Variants in SEMA4A observed in about 807,000 individuals in gnomAD.
SEMA4A encodes semaphorin-4A.
SEMA4A carries 52 observed loss-of-function variants against 72.5 expected under a neutral mutation model. That is an observed-to-expected ratio of 0.72 (90% CI 0.57 to 0.90). The LOEUF (loss-of-function observed/expected upper bound fraction) is 0.90, where lower values mean the gene tolerates loss of function less well. SEMA4A is among the 40% of genes least tolerant of loss of function. The probability of loss-of-function intolerance (pLI) is 0.00; values close to 1 mark genes in which losing one functional copy is unlikely to be tolerated. For missense variants in SEMA4A, 926 were observed against 959.7 expected, an observed-to-expected ratio of 0.96 and a Z score of 0.46; for synonymous variants, 369 against 393.1, an observed-to-expected ratio of 0.94 and a Z score of 0.73.
At chr1:156,169,319 G>A (rs908639227) in intron 10 of SEMA4A, among the ~76,000 whole-genome samples, 10 of 149,354 alleles carry the variant, frequency 6.7e-5, no homozygotes, top group African/African-American at 2.5e-4. Flanking sequence ...TTGTTCATTC[G>A]CTTTCCAGCT....
Position 156,163,230 on chromosome 1 carries a change from C to G in SEMA4A, c.1134+136C>G, listed in dbSNP as rs991415154. On this transcript the variant is annotated intron_variant, in intron 10 of 14. Coordinates refer to ENST00000368285, the MANE Select transcript of SEMA4A (RefSeq NM_022367.4). ...CCAATCTCGCCTGCTCAGACGTACACCTGGTATAGCTGCCTATATTCCACA... is the reference window on the plus strand; with the variant it reads ...CCAATCTCGCCTGCTCAGACGTACAGCTGGTATAGCTGCCTATATTCCACA... 42 of 945,438 alleles carry G rather than the reference C, an allele frequency of 4.4e-5. 1 individual carries two copies. Among genetic ancestry groups the G allele is most frequent in the Middle Eastern group, 3.0e-4 (1 of 3,340 alleles). The allele number at this position is 945,438 out of a possible 1,614,324, so 58.6% of individuals were successfully genotyped here.
chr1:156,149,969 AG>A (rs1652398224), upstream of SEMA4A: 1 of 151,982 alleles, frequency 6.6e-6, no homozygotes, highest in Non-Finnish European at 1.5e-5. Context: ...ATGGTGACTG[AG>A]GACCAGTGAG....
At chr1:156,149,682 C>G (rs1312095872), upstream of SEMA4A, 1 of 152,176 alleles carries the variant, frequency 6.6e-6, no homozygotes, top group Non-Finnish European at 1.5e-5. Context: ...AGAGGGAAAC[C>G]CAGAGGAACT....
intron 10 of SEMA4A, among the ~76,000 whole-genome samples, chr1:156,165,283 T>C (rs937986547): frequency 2.0e-5 from 3 of 152,170 alleles, no homozygotes; most frequent in African/African-American, 7.2e-5. Context: ...CCCTGCCTCA[T>C]CATTCTGGGG....
At position 156,176,770 on chromosome 1, in the gene SEMA4A, G is replaced by C. The variant is rs780910383; in HGVS notation, c.2059G>C (p.Val687Leu). Residue 687 changes from valine (V) to leucine (L), a missense_variant, in exon 15 of 15, where the codon GTC (valine) becomes CTC (leucine). Physicochemically the swap from Val to Leu is conservative, Grantham distance 32. Coordinates refer to ENST00000368285, the MANE Select transcript of SEMA4A (RefSeq NM_022367.4). ...GTCCTACTGGCCCCACTTTGTCACT[G>C]TCACTGTCCTCTTTGCCTTAGTGCT... is the stretch of plus-strand genomic sequence containing the variant. The part of the protein sequence containing the change: ...QQSYWPHFVT[V>L]TVLFALVLSG... 1.9e-6 allele frequency: 3 copies of C among 1,612,854 alleles called. No individual in the cohort carries two copies. Among genetic ancestry groups the C allele is most frequent in the Non-Finnish European group, 1.7e-6 (2 of 1,178,924 alleles).
At chr1:156,158,932 T>C in intron 6 of SEMA4A, 108 bp downstream of exon 6, 1 of 934,072 alleles carries the variant, frequency 1.1e-6, no homozygotes, top group Non-Finnish European at 1.7e-6. Flanking sequence ...CTGGGTGTGG[T>C]GATGCGTGCA....
upstream of SEMA4A, among the ~76,000 whole-genome samples, chr1:156,149,524 G>A (rs1172418054): frequency 6.6e-6 from 1 of 152,200 alleles, no homozygotes; most frequent in Non-Finnish European, 1.5e-5. Context: ...GCTCCTTGGG[G>A]TTCTTAACAG....
At chr1:156,156,281 G>C (rs1003126979) in intron 2 of SEMA4A, 133 bp from the exon 3 acceptor site, 1 of 785,576 alleles carries the variant, frequency 1.3e-6, no homozygotes, top group Non-Finnish European at 2.2e-6. Context: ...TGCTGGTGGA[G>C]GAGAGTGCAT....
Position 156,160,481 on chromosome 1 carries a change from G to C in SEMA4A, c.607G>C (p.Gly203Arg). Residue 203 changes from glycine (G) to arginine (R), a missense_variant, in exon 7 of 15, where the codon GGC becomes CGC. Physicochemically the swap from Gly to Arg is moderately radical, Grantham distance 125. Coordinates refer to ENST00000368285, the MANE Select transcript of SEMA4A (RefSeq NM_022367.4). ...TTCTGGTACTATGAACAACTTCCTG[G>C]GCAGTGAGCCCATCCTGATGCGCAC... ...LYSGTMNNFLGSEPILMRTLG... is the reference protein window; with the variant it reads ...LYSGTMNNFLRSEPILMRTLG... The C allele has an allele frequency of 6.2e-7, 1 of 1,613,928 alleles. No homozygotes were observed. Among genetic ancestry groups the C allele is most frequent in the Non-Finnish European group, 8.5e-7 (1 of 1,179,966 alleles).
chr1:156,147,513 T>G (rs1303972539), upstream of SEMA4A: 2 of 152,176 alleles, frequency 1.3e-5, no homozygotes, highest in African/African-American at 2.4e-5. Context: ...TCTGGGACTA[T>G]GGACATGGAG....
chr1:156,169,884 G>C (rs573837546), intron 10 of SEMA4A, among the ~76,000 whole-genome samples: 1 of 151,886 alleles, frequency 6.6e-6, no homozygotes, highest in Admixed American at 6.5e-5. Flanking sequence ...AATTAGCTGG[G>C]TGTGGTTGTA....
At chr1:156,149,514 G>A (rs1007673383), upstream of SEMA4A, among the ~76,000 whole-genome samples, 3 of 152,198 alleles carry the variant, frequency 2.0e-5, no homozygotes, top group Non-Finnish European at 2.9e-5. Context: ...ATAGAAGAGG[G>A]CTCCTTGGGG....
At chr1:156,168,253 G>T (rs376984553) in intron 10 of SEMA4A, among the ~76,000 whole-genome samples, 1 of 141,328 alleles carries the variant, frequency 7.1e-6, no homozygotes, top group Non-Finnish European at 1.5e-5. Context: ...ACAGAGTCTT[G>T]TTCTGTTGCC....
intron 10 of SEMA4A, among the ~76,000 whole-genome samples, chr1:156,165,730 A>T (rs1402641542): frequency 6.6e-6 from 1 of 151,268 alleles, no homozygotes; most frequent in African/African-American, 2.4e-5. Flanking sequence ...CACTGCCCTC[A>T]CTGGAATCTT....
chr1:156,155,403 ACCT>A (rs1652918326), intron 2 of SEMA4A: 2 of 152,528 alleles, frequency 1.3e-5, no homozygotes, highest in Admixed American at 1.3e-4. Flanking sequence ...TGATGCAGAG[ACCT>A]CCTCTGTGTT....
chr1:156,175,427 C>T (rs1221039021), intron 13 of SEMA4A, 129 bp from the exon 14 acceptor site: 3 of 1,095,778 alleles, frequency 2.7e-6, no homozygotes, highest in East Asian at 2.5e-5. Flanking sequence ...CTGGCCATTC[C>T]GCGTTCCTCT....
In SEMA4A at chr1:156,163,066, G is replaced by T. The variant is rs766333320; in HGVS notation, c.1106G>T (p.Gly369Val). The part of the protein sequence containing the change: ...KETSRWTTYR[G>V]PETNPRPGSC... ...ACTTCACGCTGGACTACTTATAGGGGCCCTGAGACCAACCCCCGGCCAGGC... is the reference window on the plus strand; with the variant it reads ...ACTTCACGCTGGACTACTTATAGGGTCCCTGAGACCAACCCCCGGCCAGGC... The change falls in exon 10 of 15, where the codon GGC (glycine) becomes GTC (valine). Residue 369 changes from glycine (G) to valine (V), a missense_variant. By Grantham distance (109) the Gly-to-Val change is moderately radical. Transcript: ENST00000368285. 3 of 1,613,990 alleles carry T rather than the reference G, an allele frequency of 1.9e-6. No individual in the cohort carries two copies. Among genetic ancestry groups the T allele is most frequent in the Admixed American group, 3.3e-5 (2 of 59,992 alleles).
Position 156,156,474 on chromosome 1 carries a change from T to C in SEMA4A, c.200T>C (p.Leu67Pro). The change falls in exon 3 of 15, where the codon CTG becomes CCG. Residue 67 changes from leucine to proline, a missense_variant. Leu to Pro is a moderately conservative substitution (Grantham distance 98, BLOSUM62 -3). Coordinates refer to ENST00000368285, the MANE Select transcript of SEMA4A (RefSeq NM_022367.4). ...HQKGLQDFDTLLLSGDGNTLY... is the reference protein window; with the variant it reads ...HQKGLQDFDTPLLSGDGNTLY... The stretch of plus-strand genomic sequence containing the variant: ...AAGGGCCTCCAGGATTTTGACACTC[T>C]GCTCCTGAGTGGTGATGGAAATACT... 1 of 1,614,098 alleles carries C rather than the reference T, an allele frequency of 6.2e-7. No homozygotes were observed. Among genetic ancestry groups the C allele is most frequent in the Non-Finnish European group, 8.5e-7 (1 of 1,179,942 alleles).
In SEMA4A at chr1:156,177,036, G is replaced by T. The variant is rs775133976; in HGVS notation, c.*39G>T. The T allele has an allele frequency of 7.6e-6, 12 of 1,581,234 alleles. No individual in the cohort carries two copies. In the East Asian group the frequency reaches 2.5e-4, roughly 32 times the overall value. ...GCCGGGGCTGCGGTGCAGGCACCTG[G>T]CCATGCTGGCTGGGCGGCCCAAGCA... On this transcript the variant is annotated 3_prime_UTR_variant, in exon 15 of 15. Coordinates refer to ENST00000368285, the MANE Select transcript of SEMA4A (RefSeq NM_022367.4).
Sources: gnomAD v4.1 joint callset for allele counts (sites outside exome capture counted in the v4.1 genomes callset) on GRCh38, gnomAD v4.1.1 for gene constraint, MANE v1.5 for transcripts, NCBI Gene and HGNC (gene_info 2026-07-23, HGNC 2026-07-21) for gene names.